ANKIB1: variants seen among roughly 807,000 people sequenced by gnomAD.
ANKIB1 encodes ankyrin repeat and IBR domain-containing protein 1.
In ANKIB1, 43 loss-of-function variants were observed where a neutral mutation model predicts 122.1. The observed-to-expected ratio is 0.35, with a 90% CI of 0.28 to 0.45. The LOEUF is 0.45. Among genes scored for constraint, ANKIB1 ranks in the 20% least tolerant of loss-of-function variants. ANKIB1 has a pLI of 1.00. For synonymous variants in ANKIB1, 390 were observed against 442.0 expected (o/e 0.88, Z 1.48); for missense variants, 992 against 1,329.5 (o/e 0.75, Z 3.95).
At chr7:92,293,640 A>G (rs1193545003) in intron 1 of ANKIB1, among the ~76,000 whole-genome samples, 2 of 152,230 alleles carry the variant, frequency 1.3e-5, no homozygotes, top group Non-Finnish European at 2.9e-5. Context: ...TGAAATAATT[A>G]TATCATTGCC....
chr7:92,297,325 T>C (rs1802375342), intron 2 of ANKIB1, among the ~76,000 whole-genome samples: 1 of 152,228 alleles, frequency 6.6e-6, no homozygotes, highest in South Asian at 2.1e-4. Flanking sequence ...CTGTCACTTA[T>C]TAGCAAAGCA....
intron 1 of ANKIB1, among the ~76,000 whole-genome samples, chr7:92,277,439 A>T (rs757450445): frequency 6.6e-6 from 1 of 152,316 alleles, no homozygotes; most frequent in African/African-American, 2.4e-5. Context: ...TAACCCCATC[A>T]TAAGTCGAGG....
intron 1 of ANKIB1, among the ~76,000 whole-genome samples, chr7:92,257,202 A>AG (rs1160217384): frequency 6.6e-6 from 1 of 152,028 alleles, no homozygotes; most frequent in Non-Finnish European, 1.5e-5. Flanking sequence ...GAAAAAAAAA[A>AG]AGAGAGAAAA....
chr7:92,378,274 C>T (rs1163561711), intron 11 of ANKIB1, among the ~76,000 whole-genome samples: 1 of 151,756 alleles, frequency 6.6e-6, no homozygotes, highest in Non-Finnish European at 1.5e-5. Flanking sequence ...AATTGAGCAC[C>T]CCTAATCCAC....
intron 1 of ANKIB1, among the ~76,000 whole-genome samples, chr7:92,286,926 A>G (rs1428602547): frequency 1.3e-5 from 2 of 152,224 alleles, no homozygotes; most frequent in Non-Finnish European, 2.9e-5. Flanking sequence ...CTCTGTTGCT[A>G]CAGTCCTGGT....
chr7:92,296,078 G>A (rs145457631), intron 2 of ANKIB1, among the ~76,000 whole-genome samples: 1,657 of 152,112 alleles, frequency 0.011, 14 homozygotes, highest in South Asian at 0.027. Context: ...TGTTTCTTCC[G>A]TGTACAAATT....
chr7:92,361,872 C>T (rs186997852), intron 9 of ANKIB1, among the ~76,000 whole-genome samples: 24 of 151,858 alleles, frequency 1.6e-4, no homozygotes, highest in African/African-American at 5.8e-4. Flanking sequence ...TGCAATGGTG[C>T]AATCTCGGCT....
At chr7:92,397,522 T>G (rs1804925784) in intron 18 of ANKIB1, among the ~76,000 whole-genome samples, 1 of 150,486 alleles carries the variant, frequency 6.6e-6, no homozygotes, top group African/African-American at 2.4e-5. Context: ...GGATTTGAAG[T>G]GATAGTATCA....
intron 10 of ANKIB1, among the ~76,000 whole-genome samples, chr7:92,363,481 A>T (rs554819829): frequency 3.6e-4 from 55 of 152,374 alleles, no homozygotes; most frequent in African/African-American, 1.2e-3. Context: ...ACTTCAGGGC[A>T]TGCAGAGGCT....
intron 2 of ANKIB1, among the ~76,000 whole-genome samples, chr7:92,296,806 T>A (rs1802366343): frequency 6.6e-6 from 1 of 152,138 alleles, no homozygotes; most frequent in South Asian, 2.1e-4. Context: ...TTATCAGAAT[T>A]TATGAATGAG....
At chr7:92,319,074 A>T (rs1041145435) in intron 3 of ANKIB1, among the ~76,000 whole-genome samples, 1 of 152,132 alleles carries the variant, frequency 6.6e-6, no homozygotes, top group African/African-American at 2.4e-5. Flanking sequence ...AAGTTTAAAA[A>T]ATTGGTTTTG....
rs986639887 is a variant in ANKIB1 at position 92,396,338 on chromosome 7, G to A, written c.2284-27G>A. On this transcript the variant is annotated intron_variant, in intron 17 of 19. Transcript: ENST00000265742. ...CATTTTAAAAATTGCATGCTCTCTT[G>A]TATTTTATAACCTTTGGTTTATGCA... 3.2e-6 allele frequency: 4 copies of A among 1,250,390 alleles called. No individual in the cohort carries two copies. In the African/African-American group the frequency reaches 4.4e-5, roughly 14 times the overall value. 77.5% of individuals were successfully genotyped at this position (1,250,390 alleles called of 1,614,324 possible).
intron 1 of ANKIB1, among the ~76,000 whole-genome samples, chr7:92,248,973 C>T (rs952861349): frequency 1.3e-5 from 2 of 150,108 alleles, no homozygotes; most frequent in African/African-American, 4.9e-5. Flanking sequence ...GTACAACCTC[C>T]GCCTCCTGGG....
chr7:92,268,406 A>G (rs1223061509), intron 1 of ANKIB1, among the ~76,000 whole-genome samples: 2 of 152,236 alleles, frequency 1.3e-5, no homozygotes, highest in Non-Finnish European at 2.9e-5. Context: ...TATTTTTTGC[A>G]AAATCAGTGA....
At chr7:92,298,420 T>C (rs929186344) in intron 2 of ANKIB1, among the ~76,000 whole-genome samples, 19 of 152,120 alleles carry the variant, frequency 1.2e-4, no homozygotes, top group African/African-American at 4.6e-4. Flanking sequence ...GTAATGTGTA[T>C]ATTTTAACAT....
chr7:92,327,305 A>G (rs1013617724), intron 4 of ANKIB1, among the ~76,000 whole-genome samples: 20 of 152,356 alleles, frequency 1.3e-4, no homozygotes, highest in African/African-American at 4.6e-4. Context: ...GAGCATTAAA[A>G]AAGCCTTTTG....
chr7:92,315,928 T>G (rs374730673), intron 3 of ANKIB1, among the ~76,000 whole-genome samples: 7 of 152,064 alleles, frequency 4.6e-5, no homozygotes, highest in Admixed American at 4.6e-4. Flanking sequence ...TAATCCTGAG[T>G]AAGTCAATCC....
chr7:92,392,688 G>C (rs978615724), intron 17 of ANKIB1, among the ~76,000 whole-genome samples: 1 of 151,952 alleles, frequency 6.6e-6, no homozygotes, highest in African/African-American at 2.4e-5. Context: ...ACAACCTGAG[G>C]GAACTGATTT....
At chr7:92,346,150 C>T (rs1803534866) in intron 7 of ANKIB1, among the ~76,000 whole-genome samples, 1 of 151,392 alleles carries the variant, frequency 6.6e-6, no homozygotes, top group African/African-American at 2.4e-5. Flanking sequence ...TTTTTTGAGA[C>T]AGGGTCTCAC....
Sources: gnomAD v4.1 joint callset for allele counts (sites outside exome capture counted in the v4.1 genomes callset) on GRCh38, gnomAD v4.1.1 for gene constraint, MANE v1.5 for transcripts, NCBI Gene and HGNC (gene_info 2026-07-23, HGNC 2026-07-21) for gene names.